The following ARFIP1 variants were observed in gnomAD, a reference collection of about 807,000 sequenced individuals.
ARFIP1 encodes ARF interacting protein 1, also known as arfaptin-1.
A neutral mutation model predicts 42.5 loss-of-function variants in ARFIP1; 24 were observed. That is an observed-to-expected ratio of 0.57 (90% CI 0.41 to 0.80). The LOEUF (loss-of-function observed/expected upper bound fraction) is 0.80, where lower values mean the gene tolerates loss of function less well. ARFIP1 is among the 30% of genes least tolerant of loss of function. The pLI, the probability that ARFIP1 is intolerant of heterozygous loss-of-function variation, is 0.00. For missense variants in ARFIP1, 354 were observed against 434.0 expected (o/e 0.82, Z 1.64); for synonymous variants, 141 against 153.7 (o/e 0.92, Z 0.61).
At chr4:152,810,546 C>T (rs768720349) in intron 1 of ARFIP1, among the ~76,000 whole-genome samples, 9 of 151,620 alleles carry the variant, frequency 5.9e-5, no homozygotes, top group Non-Finnish European at 1.3e-4. Context: ...TGGTGGCTCA[C>T]GCCTGTAATG....
intron 2 of ARFIP1, among the ~76,000 whole-genome samples, chr4:152,863,114 A>T (rs1308770398): frequency 6.6e-6 from 1 of 152,148 alleles, no homozygotes. Flanking sequence ...AAATCTAAGT[A>T]ATTTTTGCTT....
intron 2 of ARFIP1, among the ~76,000 whole-genome samples, chr4:152,860,938 C>T (rs930909431): frequency 2.6e-5 from 4 of 152,242 alleles, no homozygotes; most frequent in African/African-American, 9.6e-5. Context: ...CTTTTCCATT[C>T]TTAGGTGTTA....
intron 8 of ARFIP1, among the ~76,000 whole-genome samples, chr4:152,902,417 A>T (rs1198126879): frequency 1.3e-5 from 2 of 152,136 alleles, no homozygotes; most frequent in Admixed American, 6.6e-5. Context: ...TAGGAGGATC[A>T]CTTGAACCAA....
rs558834811 is a variant in ARFIP1 at position 152,863,190 on chromosome 4, A to G, written c.94-416A>G. Among the ~76,000 whole-genome samples, 8 of 152,336 alleles carry G rather than the reference A, an allele frequency of 5.3e-5. No homozygotes were observed. The East Asian group carries it at 1.5e-3, about 29-fold the overall frequency. On this transcript the variant is annotated intron_variant, in intron 2 of 8. Coordinates refer to ENST00000353617, the MANE Select transcript of ARFIP1 (RefSeq NM_001025595.3). ...GAAGGGAAATTAACATGGCAAGTGA[A>G]TGATTTGTTTATACTGTGCATTAGC...
At chr4:152,904,365 G>A (rs866823618) in intron 8 of ARFIP1, among the ~76,000 whole-genome samples, 30 of 151,528 alleles carry the variant, frequency 2.0e-4, no homozygotes, top group Non-Finnish European at 2.8e-4. Context: ...CTCATTTTTC[G>A]TATTTTTAGT....
chr4:152,873,712 A>G (rs994788872), intron 5 of ARFIP1, among the ~76,000 whole-genome samples: 4 of 152,094 alleles, frequency 2.6e-5, no homozygotes, highest in South Asian at 2.1e-4. Flanking sequence ...GCCATAGTTC[A>G]TATTTATTAC....
chr4:152,870,164 C>G (rs1189760430), intron 3 of ARFIP1, among the ~76,000 whole-genome samples: 1 of 152,108 alleles, frequency 6.6e-6, no homozygotes, highest in Non-Finnish European at 1.5e-5. Flanking sequence ...TTCTAACAAG[C>G]GTCCAGGTGA....
At chr4:152,808,534 A>G (rs1390484466) in intron 1 of ARFIP1, among the ~76,000 whole-genome samples, 2 of 151,678 alleles carry the variant, frequency 1.3e-5, no homozygotes, top group Non-Finnish European at 2.9e-5. Flanking sequence ...GGATAGTCGT[A>G]TGTTTAACTC....
chr4:152,791,222 C>T (rs55945812), intron 1 of ARFIP1, among the ~76,000 whole-genome samples: 4,085 of 152,152 alleles, frequency 0.027, 101 homozygotes, highest in South Asian at 0.11. Flanking sequence ...ATGTAATATA[C>T]TTTGAACATA....
At chr4:152,782,815 A>G (rs1730582759) in intron 1 of ARFIP1, among the ~76,000 whole-genome samples, 1 of 152,024 alleles carries the variant, frequency 6.6e-6, no homozygotes, top group African/African-American at 2.4e-5. Context: ...ATTTGAACTT[A>G]CTGATTTGGT....
chr4:152,883,003 A>G lies in ARFIP1; in HGVS notation c.791+123A>G, dbSNP rs551053274. 24 of 1,011,674 alleles carry G rather than the reference A, an allele frequency of 2.4e-5. No homozygotes were observed. The East Asian group carries it at 6.5e-4, about 27-fold the overall frequency. 62.7% of individuals were successfully genotyped at this position (1,011,674 alleles called of 1,614,324 possible). A position where few individuals can be genotyped will look rare whatever the true frequency, so the allele number is the denominator to read the frequency against. ...ATGGGCAGGAAAAAAATGTACTGGA[A>G]AGTTATAGGATGCCTCTACAGACCT... On this transcript the variant is annotated intron_variant, in intron 7 of 8. Transcript: ENST00000353617.
chr4:152,820,275 T>C (rs1730263604), intron 1 of ARFIP1, among the ~76,000 whole-genome samples: 1 of 152,050 alleles, frequency 6.6e-6, no homozygotes, highest in African/African-American at 2.4e-5. Context: ...GGGCACCTCC[T>C]ACTGGCATAA....
chr4:152,822,755 A>G (rs62319869), intron 1 of ARFIP1, among the ~76,000 whole-genome samples: 57,757 of 151,994 alleles, frequency 0.38, 12,045 homozygotes, highest in Admixed American at 0.49. Context: ...TCAATTCTAA[A>G]AAGAACCCAA....
chr4:152,885,528 A>G (rs982095914), intron 7 of ARFIP1, among the ~76,000 whole-genome samples: 1 of 151,838 alleles, frequency 6.6e-6, no homozygotes, highest in South Asian at 2.1e-4. Flanking sequence ...CAGACGGGCA[A>G]CCTTGAAGTG....
intron 8 of ARFIP1, among the ~76,000 whole-genome samples, chr4:152,909,766 G>A (rs992249832): frequency 1.2e-4 from 19 of 152,094 alleles, no homozygotes; most frequent in African/African-American, 4.6e-4. Context: ...CTTAGTTTGA[G>A]GAGGATTTAA....
chr4:152,799,910 C>T (rs1308858545), intron 1 of ARFIP1, among the ~76,000 whole-genome samples: 1 of 152,102 alleles, frequency 6.6e-6, no homozygotes, highest in Non-Finnish European at 1.5e-5. Flanking sequence ...ATTTCCTGCT[C>T]AATAGGGAGT....
intron 2 of ARFIP1, among the ~76,000 whole-genome samples, chr4:152,850,148 G>C (rs572909854): frequency 6.6e-6 from 1 of 152,224 alleles, no homozygotes; most frequent in Admixed American, 6.5e-5. Context: ...AGGTAGGCAG[G>C]CTCATGGAAC....
chr4:152,897,892 A>G (rs1488631031), intron 8 of ARFIP1, among the ~76,000 whole-genome samples: 1 of 151,768 alleles, frequency 6.6e-6, no homozygotes, highest in Non-Finnish European at 1.5e-5. Context: ...TGGTTCCTTC[A>G]GTTTGCTTAA....
chr4:152,888,691 A>G (rs1016495311), intron 8 of ARFIP1, among the ~76,000 whole-genome samples: 6 of 152,138 alleles, frequency 3.9e-5, no homozygotes, highest in African/African-American at 1.2e-4. Context: ...CTTCTCAGCA[A>G]TTGATAAGTG....
Sources: allele counts gnomAD v4.1 joint callset (sites outside exome capture counted in the v4.1 genomes callset), GRCh38; gene constraint gnomAD v4.1.1; transcripts MANE v1.5; gene names NCBI Gene and HGNC (gene_info 2026-07-23, HGNC 2026-07-21).